TBC1D5: variants seen among roughly 807,000 people sequenced by gnomAD.
TBC1D5 encodes the protein TBC1 domain family, member 5.
TBC1D5 carries 75 observed loss-of-function variants against 100.3 expected under a neutral mutation model. That is an observed-to-expected ratio of 0.75 (90% CI 0.62 to 0.91). TBC1D5 has a LOEUF of 0.91. TBC1D5 is among the 40% of genes least tolerant of loss of function. The pLI, the probability that TBC1D5 is intolerant of heterozygous loss-of-function variation, is 0.00. For missense variants in TBC1D5, 910 were observed against 942.4 expected (o/e 0.97, Z 0.45); for synonymous variants, 323 against 325.6 (o/e 0.99, Z 0.09).
intron 1 of TBC1D5, among the ~76,000 whole-genome samples, chr3:17,666,524 T>C (rs899537255): frequency 6.6e-6 from 1 of 152,264 alleles, no homozygotes; most frequent in Non-Finnish European, 1.5e-5. Flanking sequence ...TTTTGCAACA[T>C]TTTAGAACTG....
intron 16 of TBC1D5, among the ~76,000 whole-genome samples, chr3:17,246,217 A>C (rs2149204066): frequency 6.6e-6 from 1 of 152,318 alleles, no homozygotes; most frequent in African/African-American, 2.4e-5. Context: ...TATGTAGAAA[A>C]ACAAAGGAAT....
At chr3:17,318,940 C>T (rs1463655475) in intron 13 of TBC1D5, among the ~76,000 whole-genome samples, 1 of 152,206 alleles carries the variant, frequency 6.6e-6, no homozygotes, top group South Asian at 2.1e-4. Context: ...AGCTATAGGA[C>T]CCTACAAGAT....
At chr3:17,171,103 C>T (rs550528026) in intron 19 of TBC1D5, among the ~76,000 whole-genome samples, 1 of 152,290 alleles carries the variant, frequency 6.6e-6, no homozygotes, top group Admixed American at 6.5e-5. Context: ...TGCTGTGAGC[C>T]TCTCACAAAT....
intron 1 of TBC1D5, among the ~76,000 whole-genome samples, chr3:17,701,030 C>G (rs2143408): frequency 1.3e-5 from 2 of 152,062 alleles, no homozygotes; most frequent in East Asian, 3.9e-4. Context: ...CACATGCATA[C>G]GTATGTTTAT....
intron 2 of TBC1D5, among the ~76,000 whole-genome samples, chr3:17,582,506 A>C (rs1367711220): frequency 6.6e-6 from 1 of 152,164 alleles, no homozygotes; most frequent in Non-Finnish European, 1.5e-5. Flanking sequence ...CAGCTAACTC[A>C]GTAGTATAGT....
chr3:17,409,687 T>G (rs556233217), intron 4 of TBC1D5, among the ~76,000 whole-genome samples: 1 of 152,216 alleles, frequency 6.6e-6, no homozygotes, highest in Non-Finnish European at 1.5e-5. Context: ...AGAGAAAGTT[T>G]GAATGGTCTG....
intron 4 of TBC1D5, among the ~76,000 whole-genome samples, chr3:17,419,741 T>C (rs1324325756): frequency 1.3e-5 from 2 of 152,174 alleles, no homozygotes; most frequent in Non-Finnish European, 2.9e-5. Flanking sequence ...AGTGGCATGA[T>C]CACAGCTCAC....
chr3:17,221,490 T>G (rs2074281085), intron 17 of TBC1D5, among the ~76,000 whole-genome samples: 1 of 152,026 alleles, frequency 6.6e-6, no homozygotes, highest in African/African-American at 2.4e-5. Flanking sequence ...CTGTGAGTTC[T>G]TAAAGTAGAA....
intron 16 of TBC1D5, among the ~76,000 whole-genome samples, chr3:17,252,141 G>C (rs2077232068): frequency 6.6e-6 from 1 of 152,032 alleles, no homozygotes; most frequent in African/African-American, 2.4e-5. Context: ...AATGGTAGCT[G>C]AGCTGTCAGT....
chr3:17,623,283 G>A (rs530435259), intron 2 of TBC1D5, among the ~76,000 whole-genome samples: 1 of 152,290 alleles, frequency 6.6e-6, no homozygotes, highest in Middle Eastern at 3.4e-3. Context: ...TACTGTCTAT[G>A]TACAGACCAT....
At chr3:17,531,767 A>G (rs1246133763) in intron 2 of TBC1D5, among the ~76,000 whole-genome samples, 1 of 152,214 alleles carries the variant, frequency 6.6e-6, no homozygotes, top group African/African-American at 2.4e-5. Context: ...GGTGCTGGGA[A>G]AACTGGCTAG....
chr3:17,230,989 G>C (rs2075366226), intron 17 of TBC1D5, among the ~76,000 whole-genome samples: 1 of 152,042 alleles, frequency 6.6e-6, no homozygotes, highest in Admixed American at 6.6e-5. Context: ...ATTGTCTAGG[G>C]AGTTATAAGA....
At chr3:17,352,998 C>T (rs1217595835) in intron 13 of TBC1D5, among the ~76,000 whole-genome samples, 5 of 152,016 alleles carry the variant, frequency 3.3e-5, no homozygotes, top group Non-Finnish European at 7.4e-5. Context: ...GAAATGCTTG[C>T]TAAGTAATTT....
intron 13 of TBC1D5, among the ~76,000 whole-genome samples, chr3:17,322,549 T>C (rs2085551703): frequency 6.6e-6 from 1 of 152,190 alleles, no homozygotes; most frequent in South Asian, 2.1e-4. Context: ...GGATGTGCTT[T>C]TGAAACCACA....
At chr3:17,323,204 G>GTATT (rs1380476701) in intron 13 of TBC1D5, among the ~76,000 whole-genome samples, 1 of 152,066 alleles carries the variant, frequency 6.6e-6, no homozygotes, top group Non-Finnish European at 1.5e-5. Context: ...TGAAAAGGAA[G>GTATT]GAAATAACGC....
At chr3:17,304,423 T>G (rs1013928489) in intron 14 of TBC1D5, among the ~76,000 whole-genome samples, 1 of 152,138 alleles carries the variant, frequency 6.6e-6, no homozygotes, top group Non-Finnish European at 1.5e-5. Flanking sequence ...TTTTTTTTGT[T>G]TAGACAGGGT....
intron 13 of TBC1D5, among the ~76,000 whole-genome samples, chr3:17,348,348 G>T (rs1213316338): frequency 1.3e-5 from 2 of 152,128 alleles, no homozygotes; most frequent in Non-Finnish European, 2.9e-5. Flanking sequence ...TCCATTTTTA[G>T]TGTATATGCA....
intron 1 of TBC1D5, among the ~76,000 whole-genome samples, chr3:17,669,476 C>A (rs1486861255): frequency 2.6e-5 from 4 of 152,062 alleles, no homozygotes; most frequent in Non-Finnish European, 5.9e-5. Context: ...TATTATACTA[C>A]TTGGATTAAA....
chr3:17,209,923 A>G (rs1432325595), intron 18 of TBC1D5, among the ~76,000 whole-genome samples: 1 of 152,180 alleles, frequency 6.6e-6, no homozygotes. Flanking sequence ...GCTATTTAGC[A>G]GTGCTATAGT....
Sources: gnomAD v4.1 joint callset for allele counts (sites outside exome capture counted in the v4.1 genomes callset) on GRCh38, gnomAD v4.1.1 for gene constraint, MANE v1.5 for transcripts, NCBI Gene and HGNC (gene_info 2026-07-23, HGNC 2026-07-21) for gene names.